The following NPIPA7 variants were observed in gnomAD, a reference collection of about 807,000 sequenced individuals.
NPIPA7 encodes nuclear pore complex-interacting protein family member A7.
chr16:16,386,486 T>C (rs2141299724), intron 2 of NPIPA7, among the ~76,000 whole-genome samples: 1 of 79,798 alleles, frequency 1.3e-5, no homozygotes, highest in East Asian at 4.3e-4. Context: ...AGTCTCACTC[T>C]GTCACCAGGC....
intron 5 of NPIPA7, 65 bp downstream of exon 5, chr16:16,390,939 TG>T (rs2050249562): frequency 3.3e-6 from 1 of 304,236 alleles, no homozygotes; most frequent in African/African-American, 3.4e-5. Context: ...TTTTAACCTT[TG>T]TACAATGTTT....
chr16:16,386,884 G>A (rs1196641803), intron 2 of NPIPA7, among the ~76,000 whole-genome samples: 5 of 132,696 alleles, frequency 3.8e-5, no homozygotes, highest in Admixed American at 8.1e-5. Context: ...CGACTAGCTG[G>A]GATTACAGGC....
chr16:16,386,833 T>G (rs1259313903), intron 2 of NPIPA7, among the ~76,000 whole-genome samples: 624 of 126,090 alleles, frequency 4.9e-3, no homozygotes, highest in African/African-American at 0.017. Context: ...CACCACAACC[T>G]TTTCCTGCTG....
intron 2 of NPIPA7, among the ~76,000 whole-genome samples, chr16:16,386,983 A>T (rs1189395950): frequency 6.9e-6 from 1 of 144,762 alleles, no homozygotes; most frequent in African/African-American, 2.5e-5. Flanking sequence ...TCCCGACCTC[A>T]GGTGATCCGC....
intron 2 of NPIPA7, among the ~76,000 whole-genome samples, chr16:16,386,246 C>CA (rs1253029101): frequency 1.6e-5 from 2 of 126,048 alleles, no homozygotes; most frequent in African/African-American, 3.1e-5. Context: ...AGAGCAGGGA[C>CA]AGAAGAAAGA....
In NPIPA7 at chr16:16,386,941, G is replaced by A. The variant is rs952121058; in HGVS notation, c.193-458G>A. Among the ~76,000 whole-genome samples the A allele has an allele frequency of 1.2e-4, 17 of 143,212 alleles. 1 individual carries two copies. Among genetic ancestry groups the A allele is most frequent in the Admixed American group, 2.2e-4 (3 of 13,694 alleles). 94.0% of individuals were successfully genotyped at this position (143,212 alleles called of 152,430 possible). ...ATTTTGAATTTTTAGCAGAGACAGC[G>A]TTTCTCCATGTTGGTGAGGCTGGTC... On this transcript the variant is annotated intron_variant, in intron 2 of 7. Coordinates refer to ENST00000530217, the Ensembl canonical transcript of NPIPA7.
chr16:16,386,745 G>T (rs1160866796), intron 2 of NPIPA7, among the ~76,000 whole-genome samples: 1 of 134,120 alleles, frequency 7.5e-6, no homozygotes, highest in African/African-American at 2.7e-5. Context: ...ACAGCACCTG[G>T]CCTATTTTTT....
intron 2 of NPIPA7, among the ~76,000 whole-genome samples, chr16:16,386,977 G>A (rs747005912): frequency 0.026 from 3,781 of 143,288 alleles, 31 homozygotes; most frequent in African/African-American, 0.09. Context: ...TCAAACTCCC[G>A]ACCTCAGGTG....
At chr16:16,386,496 C>CTG (rs1448474487) in intron 2 of NPIPA7, among the ~76,000 whole-genome samples, 1 of 77,104 alleles carries the variant, frequency 1.3e-5, no homozygotes, top group Non-Finnish European at 2.5e-5. Context: ...TGTCACCAGG[C>CTG]TGGAGTGCAG....
In NPIPA7 at chr16:16,386,694, C is replaced by T. The variant is rs577633488; in HGVS notation, c.193-705C>T. Among the ~76,000 whole-genome samples the T allele has an allele frequency of 2.4e-3, 307 of 128,316 alleles. 2 individuals are homozygous for T. The highest frequency in any genetic ancestry group is 6.3e-3 in the African/African-American group (219 of 35,030). 84.2% of individuals were successfully genotyped at this position (128,316 alleles called of 152,430 possible). A position where few individuals can be genotyped will look rare whatever the true frequency, so the allele number is the denominator to read the frequency against. On this transcript the variant is annotated intron_variant, in intron 2 of 7. Transcript: ENST00000530217. The stretch of plus-strand genomic sequence containing the variant: ...CCATCTCTTGACCTTGTGATTCACC[C>T]GCCTCGGCCTCCCAAAGTGCTGGGA...
intron 4 of NPIPA7, among the ~76,000 whole-genome samples, chr16:16,388,054 T>C (rs1462880763): frequency 5.1e-5 from 4 of 78,632 alleles, no homozygotes; most frequent in South Asian, 4.4e-4. Flanking sequence ...TCTCTCTCTT[T>C]TTTTTTTTTT....
chr16:16,387,076 G>C (rs1431454120), intron 2 of NPIPA7, among the ~76,000 whole-genome samples: 8 of 126,002 alleles, frequency 6.3e-5, no homozygotes, highest in African/African-American at 2.3e-4. Context: ...GTGTGTGTGT[G>C]TGTGTGTGTG....
At chr16:16,390,597 T>TA (rs1169076196) in intron 4 of NPIPA7, among the ~76,000 whole-genome samples, 170 bp from the exon 5 acceptor site, 1 of 76,026 alleles carries the variant, frequency 1.3e-5, no homozygotes, top group African/African-American at 3.3e-5. Context: ...TGATTTTTTT[T>TA]ATCCCTCAAT....
intron 2 of NPIPA7, among the ~76,000 whole-genome samples, chr16:16,386,796 T>A (rs1290395651): frequency 3.2e-5 from 4 of 126,358 alleles, no homozygotes; most frequent in Non-Finnish European, 6.9e-5. Flanking sequence ...GTTGCCCAGG[T>A]TGGAGTGCAA....
At chr16:16,386,775 G>T (rs2050150267) in intron 2 of NPIPA7, among the ~76,000 whole-genome samples, 1 of 129,624 alleles carries the variant, frequency 7.7e-6, no homozygotes, top group African/African-American at 2.8e-5. Flanking sequence ...TTGAGACAGA[G>T]TTTGAATTTT....
At chr16:16,386,290 G>A (rs1414926155) in intron 2 of NPIPA7, among the ~76,000 whole-genome samples, 3 of 138,216 alleles carry the variant, frequency 2.2e-5, no homozygotes, top group East Asian at 4.6e-4. Flanking sequence ...AGCAGGGGGT[G>A]AAATGTTACA....
At chr16:16,387,021 T>G (rs1188876638) in intron 2 of NPIPA7, among the ~76,000 whole-genome samples, 2 of 143,518 alleles carry the variant, frequency 1.4e-5, no homozygotes, top group African/African-American at 5.0e-5. Flanking sequence ...AGTACTGGGA[T>G]TACAGGAGTG....
intron 4 of NPIPA7, among the ~76,000 whole-genome samples, chr16:16,388,353 C>CTT (rs1369617160): frequency 6.9e-4 from 15 of 21,664 alleles, no homozygotes; most frequent in African/African-American, 3.3e-3. Context: ...AGCACCCAGC[C>CTT]TTTTTTTTTT....
chr16:16,387,060 T>TTGTGTG (rs374685325), intron 2 of NPIPA7, among the ~76,000 whole-genome samples: 20 of 101,490 alleles, frequency 2.0e-4, no homozygotes, highest in South Asian at 3.5e-4. Flanking sequence ...ATGTCATTCT[T>TTGTGTG]TGTGTGTGTG....
Sources: allele counts gnomAD v4.1 joint callset (sites outside exome capture counted in the v4.1 genomes callset), GRCh38; gene constraint gnomAD v4.1.1; transcripts MANE v1.5; gene names NCBI Gene and HGNC (gene_info 2026-07-23, HGNC 2026-07-21).